AGO3: variants seen among roughly 807,000 people sequenced by gnomAD.
The protein encoded by AGO3 is argonaute RISC catalytic component 3.
Under a neutral mutation model 105.5 loss-of-function variants are expected in AGO3, and 16 were observed. That is an observed-to-expected ratio of 0.15 (90% confidence interval 0.10 to 0.23). The LOEUF is 0.23. Ranked by LOEUF, AGO3 falls within the 10% of genes least tolerant of loss-of-function variation. The pLI, the probability that AGO3 is intolerant of heterozygous loss-of-function variation, is 1.00. For synonymous variants in AGO3, 340 were observed against 367.3 expected (o/e 0.93, Z 0.85); for missense variants, 534 against 1,088.0 (o/e 0.49, Z 7.16).
chr1:35,997,597 G>T (rs929240404), intron 5 of AGO3, among the ~76,000 whole-genome samples: 1 of 152,194 alleles, frequency 6.6e-6, no homozygotes, highest in Non-Finnish European at 1.5e-5. Flanking sequence ...ATTGTGTTGA[G>T]TAGTTTAGAT....
chr1:35,988,631 A>G (rs1032882807), intron 5 of AGO3, among the ~76,000 whole-genome samples: 1 of 152,010 alleles, frequency 6.6e-6, no homozygotes, highest in African/African-American at 2.4e-5. Context: ...AAGGCTAAAT[A>G]ATATTCCATT....
intron 5 of AGO3, chr1:36,003,911 T>C (rs1640225400): frequency 6.6e-6 from 1 of 152,278 alleles, no homozygotes; most frequent in Non-Finnish European, 1.5e-5. Context: ...TCCTACCACT[T>C]TGGGAGGCTG....
intron 5 of AGO3, 129 bp downstream of exon 5, chr1:35,973,640 G>A: frequency 9.5e-7 from 1 of 1,056,396 alleles, no homozygotes; most frequent in African/African-American, 1.7e-5. Context: ...ATGATCTACT[G>A]GAGAAACCTT....
intron 1 of AGO3, among the ~76,000 whole-genome samples, chr1:35,939,038 T>C (rs1646205220): frequency 6.6e-6 from 1 of 152,180 alleles, no homozygotes; most frequent in Non-Finnish European, 1.5e-5. Context: ...AAAGAAAAGT[T>C]TGATATAGGG....
intron 2 of AGO3, among the ~76,000 whole-genome samples, chr1:35,964,351 CCACTTAT>C (rs1001494578): frequency 2.0e-5 from 3 of 152,064 alleles, no homozygotes; most frequent in African/African-American, 7.2e-5. Flanking sequence ...CATTTAGCTC[CCACTTAT>C]TAAGTGAGAG....
intron 6 of AGO3, among the ~76,000 whole-genome samples, chr1:36,007,691 TAA>T (rs920051905): frequency 7.2e-6 from 1 of 139,720 alleles, no homozygotes. Context: ...AGCAAAAAAC[TAA>T]AAAAAAAAAA....
intron 2 of AGO3, among the ~76,000 whole-genome samples, chr1:35,964,576 G>T (rs934105538): frequency 6.6e-6 from 1 of 152,154 alleles, no homozygotes; most frequent in African/African-American, 2.4e-5. Flanking sequence ...GAATAGTGCT[G>T]CAGTGAACAT....
intron 5 of AGO3, among the ~76,000 whole-genome samples, chr1:35,997,226 C>T (rs1639870420): frequency 6.6e-6 from 1 of 152,014 alleles, no homozygotes; most frequent in African/African-American, 2.4e-5. Flanking sequence ...TTGGAGTGAA[C>T]TGAGATCATG....
At chr1:35,950,667 C>A (rs907636084) in intron 2 of AGO3, among the ~76,000 whole-genome samples, 6 of 152,054 alleles carry the variant, frequency 3.9e-5, no homozygotes, top group African/African-American at 1.4e-4. Flanking sequence ...TCAAATGTTA[C>A]TAGTTTCTAA....
chr1:36,024,506 T>A (rs1245682194), intron 11 of AGO3, among the ~76,000 whole-genome samples: 1 of 152,112 alleles, frequency 6.6e-6, no homozygotes, highest in Non-Finnish European at 1.5e-5. Context: ...CTTTTCCTTT[T>A]CATTATCTAT....
chr1:35,954,178 T>A (rs1423919502), intron 2 of AGO3, among the ~76,000 whole-genome samples: 1 of 152,174 alleles, frequency 6.6e-6, no homozygotes, highest in Non-Finnish European at 1.5e-5. Flanking sequence ...AATAAATAAG[T>A]TTTATTTTCC....
intron 2 of AGO3, among the ~76,000 whole-genome samples, chr1:35,959,226 G>A (rs1408479573): frequency 1.3e-5 from 2 of 152,140 alleles, no homozygotes; most frequent in Middle Eastern, 3.2e-3. Flanking sequence ...GTGCACCAGA[G>A]CATGATGGAG....
chr1:36,064,922 TG>T lies in AGO3; in HGVS notation c.*9180del, dbSNP rs1470230416. 1 of 152,092 alleles carries T rather than the reference TG, an allele frequency of 6.6e-6. No individual in the cohort carries two copies. The highest frequency in any genetic ancestry group is 1.5e-5 in the Non-Finnish European group (1 of 68,034). 9.4% of individuals were successfully genotyped at this position (152,092 alleles called of 1,614,324 possible). On this transcript the variant is annotated 3_prime_UTR_variant, in exon 19 of 19. Transcript: ENST00000373191. ...GCTCACACCTGTAATCCCAGCACTT[TG>T]GGTGGGCGGCTGAGGCGGGCGGATC...
chr1:36,007,416 G>T (rs1640388116), intron 6 of AGO3, among the ~76,000 whole-genome samples: 1 of 152,012 alleles, frequency 6.6e-6, no homozygotes, highest in Non-Finnish European at 1.5e-5. Context: ...TAAAATAAAG[G>T]CCGGGCGTGG....
At chr1:36,026,978 AG>A in intron 11 of AGO3, 135 bp from the exon 12 acceptor site, 1 of 940,704 alleles carries the variant, frequency 1.1e-6, no homozygotes, top group South Asian at 1.7e-5. Context: ...TAACATCAGT[AG>A]TCTGGTGACC....
At chr1:35,991,160 C>T (rs978093620) in intron 5 of AGO3, among the ~76,000 whole-genome samples, 8 of 151,976 alleles carry the variant, frequency 5.3e-5, no homozygotes, top group Non-Finnish European at 1.0e-4. Context: ...AAAAATTAGC[C>T]GGGCATGGTG....
intron 5 of AGO3, among the ~76,000 whole-genome samples, chr1:35,990,572 A>G (rs1383547207): frequency 6.6e-6 from 1 of 152,198 alleles, no homozygotes; most frequent in East Asian, 1.9e-4. Context: ...TAAAACATTC[A>G]CTATCCCATT....
chr1:36,051,685 A>G (rs1029057401), intron 17 of AGO3, among the ~76,000 whole-genome samples: 1 of 152,076 alleles, frequency 6.6e-6, no homozygotes, highest in Non-Finnish European at 1.5e-5. Flanking sequence ...ACAGAACAAG[A>G]CTCTGTCTCA....
intron 2 of AGO3, among the ~76,000 whole-genome samples, chr1:35,951,357 C>T (rs1646467631): frequency 6.6e-6 from 1 of 152,124 alleles, no homozygotes; most frequent in Non-Finnish European, 1.5e-5. Context: ...AATATTTCTG[C>T]ATATTTCATA....
Sources: allele counts gnomAD v4.1 joint callset (sites outside exome capture counted in the v4.1 genomes callset), GRCh38; gene constraint gnomAD v4.1.1; transcripts MANE v1.5; gene names NCBI Gene and HGNC (gene_info 2026-07-23, HGNC 2026-07-21).